Variants in UBE3A observed in about 807,000 individuals in gnomAD.
UBE3A encodes ubiquitin-protein ligase E3A.
Under a neutral mutation model 83.4 loss-of-function variants are expected in UBE3A, and 6 were observed. That is an observed-to-expected ratio of 0.07 (90% CI 0.04 to 0.14). UBE3A has a LOEUF of 0.14. Ranked by LOEUF, UBE3A falls within the 10% of genes least tolerant of loss-of-function variation. UBE3A has a pLI of 1.00. For synonymous variants in UBE3A, 337 were observed against 355.4 expected (o/e 0.95, Z 0.58); for missense variants, 456 against 1,036.1 (o/e 0.44, Z 7.69).
rs967926036 is a variant in UBE3A, at chr15:25,336,869, T to G, written c.*2268A>C. On this transcript the variant is annotated 3_prime_UTR_variant, in exon 13 of 13. Transcript: ENST00000648336. ...TAATAGAGTACCTGGGCAAAAAAAG[T>G]ACTTTTATAACATAACATTTGGGGT... 11 of 152,130 alleles carry G rather than the reference T, an allele frequency of 7.2e-5. No homozygotes were observed. The highest frequency in any genetic ancestry group is 2.7e-4 in the African/African-American group (11 of 41,438). The allele number at this position is 152,130 out of a possible 1,614,324, so 9.4% of individuals were successfully genotyped here.
intron 1 of UBE3A, chr15:25,418,598 G>C (rs1178715248): frequency 6.6e-6 from 1 of 152,154 alleles, no homozygotes; most frequent in East Asian, 1.9e-4. Flanking sequence ...TTCTAGGGGT[G>C]GTGTGGGGGG....
chr15:25,401,722 C>A (rs115846903), intron 4 of UBE3A, among the ~76,000 whole-genome samples: 53 of 151,996 alleles, frequency 3.5e-4, no homozygotes, highest in African/African-American at 1.2e-3. Context: ...CTTTTATCAT[C>A]AAAAAACACA....
chr15:25,337,947 T>G lies in UBE3A; in HGVS notation c.*1190A>C, dbSNP rs1189383218. On this transcript the variant is annotated 3_prime_UTR_variant, in exon 13 of 13. Transcript: ENST00000648336. ...GTTTAACATGTTTTGAATTAATTAA[T>G]TAAATTTAATCTGTGGGGCTATACA... The G allele has an allele frequency of 6.6e-6, 1 of 152,166 alleles. No individual in the cohort carries two copies. The highest frequency in any genetic ancestry group is 1.5e-5 in the Non-Finnish European group (1 of 68,006). The allele number at this position is 152,166 out of a possible 1,614,324, so 9.4% of individuals were successfully genotyped here.
intron 1 of UBE3A, among the ~76,000 whole-genome samples, chr15:25,432,421 A>C (rs1482305745): frequency 6.6e-6 from 1 of 152,214 alleles, no homozygotes; most frequent in Non-Finnish European, 1.5e-5. Flanking sequence ...ATTTCATTAC[A>C]TGAAAAGAAC....
chr15:25,430,048 TA>T lies in UBE3A; in HGVS notation c.-165+8440del, dbSNP rs1892684874. Among the ~76,000 whole-genome samples, 4 of 113,014 alleles carry T rather than the reference TA, an allele frequency of 3.5e-5. 1 individual carries two copies. In the South Asian group the frequency reaches 9.9e-4, roughly 28 times the overall value. 74.1% of individuals were successfully genotyped at this position (113,014 alleles called of 152,430 possible). On this transcript the variant is annotated intron_variant, in intron 1 of 12. Coordinates refer to ENST00000648336, the MANE Select transcript of UBE3A (RefSeq NM_130839.5). ...AAACCTATATATATATATATATATA[TA>T]TTTATATGTATTATATATATATAAT...
At chr15:25,343,771 G>T (rs1774594023) in intron 11 of UBE3A, among the ~76,000 whole-genome samples, 1 of 150,414 alleles carries the variant, frequency 6.6e-6, no homozygotes, top group African/African-American at 2.4e-5. Flanking sequence ...AACATATAAA[G>T]TTTCTAAAAG....
At chr15:25,367,301 TATTAA>T (rs1386235176) in intron 6 of UBE3A, among the ~76,000 whole-genome samples, 6 of 143,808 alleles carry the variant, frequency 4.2e-5, no homozygotes, top group African/African-American at 5.3e-5. Flanking sequence ...TTAATTTACA[TATTAA>T]ATTAAATTAC....
In UBE3A at chr15:25,416,650, A is replaced by T. The variant is rs529421273; in HGVS notation, c.-164-4679T>A. On this transcript the variant is annotated intron_variant, in intron 1 of 12. Transcript: ENST00000648336. Reference sequence around the variant, plus strand: ...TATAGCTTAAAACATTCTAAAAAAAAAAAAAAAAACCTCATATGGTATTAG... The same window carrying T: ...TATAGCTTAAAACATTCTAAAAAAATAAAAAAAAACCTCATATGGTATTAG... Among the ~76,000 whole-genome samples the T allele has an allele frequency of 1.2e-4, 18 of 152,128 alleles. No individual in the cohort carries two copies. The South Asian group carries it at 1.7e-3, about 14-fold the overall frequency.
At position 25,356,883 on chromosome 15, in the gene UBE3A, G is replaced by A. The variant is rs139082033; in HGVS notation, c.1767C>T (p.Tyr589=). Residue 589 remains tyrosine, a synonymous_variant, in exon 8 of 13, where the codon TAC becomes TAT. Transcript: ENST00000648336. ...ACCAAAACAATTTTGTAGATTCATC[G>A]TATGTGAACATACCTATAAGAAATG... ...IFNPDIGMFT[Y]DESTKLFWFN... is the part of the protein sequence containing the mutation. 2,544 of 1,612,988 alleles carry A rather than the reference G, an allele frequency of 1.6e-3. 6 individuals are homozygous for A. The highest frequency in any genetic ancestry group is 2.1e-3 in the Non-Finnish European group (2,435 of 1,179,268).
intron 4 of UBE3A, among the ~76,000 whole-genome samples, chr15:25,395,258 A>G (rs2085293720): frequency 1.3e-5 from 2 of 152,166 alleles, no homozygotes. Flanking sequence ...TACTTTTAAG[A>G]TGGGAAGCCT....
At chr15:25,368,623 A>G (rs2079736032) in intron 6 of UBE3A, among the ~76,000 whole-genome samples, 1 of 152,112 alleles carries the variant, frequency 6.6e-6, no homozygotes, top group South Asian at 2.1e-4. Context: ...AGGCCACACT[A>G]TATTATCTAA....
intron 6 of UBE3A, among the ~76,000 whole-genome samples, chr15:25,367,773 G>C (rs1456475447): frequency 6.6e-6 from 1 of 151,654 alleles, no homozygotes; most frequent in Non-Finnish European, 1.5e-5. Flanking sequence ...AAAAACCTCA[G>C]GAAAAAAGCT....
chr15:25,425,115 A>G (rs1473899074), intron 1 of UBE3A, among the ~76,000 whole-genome samples: 1 of 152,230 alleles, frequency 6.6e-6, no homozygotes, highest in Non-Finnish European at 1.5e-5. Flanking sequence ...ACAAAGCTAC[A>G]GTAATCAAGA....
chr15:25,362,695 A>C (rs1167960276), intron 6 of UBE3A, among the ~76,000 whole-genome samples: 1 of 152,176 alleles, frequency 6.6e-6, no homozygotes, highest in African/African-American at 2.4e-5. Flanking sequence ...AGTATACAGA[A>C]TTCTGAGGAG....
At chr15:25,382,618 G>C (rs1284840914) in intron 4 of UBE3A, among the ~76,000 whole-genome samples, 1 of 150,792 alleles carries the variant, frequency 6.6e-6, no homozygotes, top group Non-Finnish European at 1.5e-5. Flanking sequence ...ATAAAATAGA[G>C]AAAAATAGAA....
At position 25,371,812 on chromosome 15, in the gene UBE3A, T is replaced by C; in HGVS notation, c.362A>G (p.Asp121Gly). 1 of 1,606,558 alleles carries C rather than the reference T, an allele frequency of 6.2e-7. No homozygotes were observed. The highest frequency in any genetic ancestry group is 8.5e-7 in the Non-Finnish European group (1 of 1,178,878). ...NKKGARIDFK[D>G]VTYLTEEKVY... ...CTTCTCTTCTGTTAAGTAAGTCACA[T>C]CTAGAAAATCAGAGGAAAAAAGAGA... Residue 121 changes from aspartate to glycine, a missense_variant and splice_region_variant, in exon 6 of 13, where the codon GAT (aspartate) becomes GGT (glycine). Asp to Gly is a moderately conservative substitution (Grantham distance 94). Coordinates refer to ENST00000648336, the MANE Select transcript of UBE3A (RefSeq NM_130839.5). The surrounding 1 kb of genome is among the most constrained non-coding windows in gnomAD (Gnocchi z 5.3).
At chr15:25,389,842 T>A (rs966856286) in intron 4 of UBE3A, among the ~76,000 whole-genome samples, 11 of 152,154 alleles carry the variant, frequency 7.2e-5, no homozygotes, top group African/African-American at 2.7e-4. Flanking sequence ...GAGCCAAGAC[T>A]GTGCCACTGT....
At chr15:25,429,232 A>G (rs1307585064) in intron 1 of UBE3A, among the ~76,000 whole-genome samples, 1 of 152,218 alleles carries the variant, frequency 6.6e-6, no homozygotes, top group Admixed American at 6.5e-5. Context: ...TAAGAATCTC[A>G]AGACAGTTGT....
intron 4 of UBE3A, among the ~76,000 whole-genome samples, 159 bp from the exon 5 acceptor site, chr15:25,375,922 C>A (rs1268769422): frequency 1.3e-5 from 2 of 152,096 alleles, no homozygotes; most frequent in Admixed American, 1.3e-4. Context: ...TACCACAACT[C>A]CTGACTAGTG....
Sources: gnomAD v4.1 joint callset for allele counts (sites outside exome capture counted in the v4.1 genomes callset) on GRCh38, gnomAD v4.1.1 for gene constraint, Gnocchi (gnomAD v3.1) non-coding constraint, MANE v1.5 for transcripts, NCBI Gene and HGNC (gene_info 2026-07-23, HGNC 2026-07-21) for gene names.